Variants in SLC12A2 observed in about 807,000 individuals in gnomAD.
The protein encoded by SLC12A2 is Na-K-2Cl cotransporter 1.
SLC12A2 carries 67 observed loss-of-function variants against 136.3 expected under a neutral mutation model. The ratio of observed to expected loss-of-function variants is 0.49; its 90% CI spans 0.40 to 0.60. The LOEUF (loss-of-function observed/expected upper bound fraction) is 0.60, where lower values mean the gene tolerates loss of function less well. Among genes scored for constraint, SLC12A2 ranks in the 20% least tolerant of loss-of-function variants. The pLI is 0.00. For missense variants in SLC12A2, 1,322 were observed against 1,534.7 expected, an observed-to-expected ratio of 0.86 and a Z score of 2.32; for synonymous variants, 619 against 562.9, an observed-to-expected ratio of 1.10 and a Z score of -1.41.
intron 9 of SLC12A2, among the ~76,000 whole-genome samples, chr5:128,139,378 TTTAC>T (rs1487173229): frequency 1.3e-5 from 2 of 152,142 alleles, no homozygotes; most frequent in Non-Finnish European, 1.5e-5. Flanking sequence ...CATACTAAGT[TTTAC>T]TTAGGAAAAG....
intron 10 of SLC12A2, among the ~76,000 whole-genome samples, chr5:128,143,852 A>G (rs926073350): frequency 6.6e-6 from 1 of 150,586 alleles, no homozygotes; most frequent in Non-Finnish European, 1.5e-5. Flanking sequence ...TTTACAATAC[A>G]ATTTTTAACT....
chr5:128,166,460 ATGTG>A lies in SLC12A2; in HGVS notation c.2617-1283_2617-1280del, dbSNP rs147416302. On this transcript the variant is annotated intron_variant, in intron 17 of 26. Coordinates refer to ENST00000262461, the MANE Select transcript of SLC12A2 (RefSeq NM_001046.3). The stretch of plus-strand genomic sequence containing the variant: ...TCCCAACAGATGAATGGATAAACAA[ATGTG>A]TGTGTGTGTGTGTGTGTTTGTGTGT... 2.9e-4 allele frequency among the ~76,000 whole-genome samples: 43 copies of A among 150,092 alleles called. 1 individual carries two copies. Among genetic ancestry groups the A allele is most frequent in the African/African-American group, 8.0e-4 (33 of 41,086 alleles).
At chr5:128,145,382 T>C (rs986257206) in intron 10 of SLC12A2, among the ~76,000 whole-genome samples, 2 of 152,146 alleles carry the variant, frequency 1.3e-5, no homozygotes, top group African/African-American at 4.8e-5. Flanking sequence ...TATGATCTAA[T>C]GAGGCTGTAT....
In SLC12A2 at chr5:128,083,970, A is replaced by ACGGCGCCCTCCTC; in HGVS notation, c.25_37dup (p.Pro13LeufsTer51). The ACGGCGCCCTCCTC allele has an allele frequency of 8.1e-7, 1 of 1,238,828 alleles. No individual in the cohort carries two copies. The highest frequency in any genetic ancestry group is 3.3e-5 in the South Asian group (1 of 30,422). 76.7% of individuals were successfully genotyped at this position (1,238,828 alleles called of 1,614,324 possible). A position where few individuals can be genotyped will look rare whatever the true frequency, so the allele number is the denominator to read the frequency against. ...TCGGGCAGCTATGGAGCCGCGGCCCACGGCGCCCTCCTCCGGCGCCCCGGG... is the reference window on the plus strand; with the variant it reads ...TCGGGCAGCTATGGAGCCGCGGCCCACGGCGCCCTCCTCCGGCGCCCTCCTCCGGCGCCCCGGG... On this transcript the variant is annotated frameshift_variant, in exon 1 of 27. Transcript: ENST00000262461. LOFTEE classifies it high-confidence loss of function.
At position 128,093,814 on chromosome 5, in the gene SLC12A2, A is replaced by G. The variant is rs562655514; in HGVS notation, c.756+9104A>G. Among the ~76,000 whole-genome samples the G allele has an allele frequency of 7.2e-5, 11 of 152,196 alleles. No homozygotes were observed. The South Asian group carries it at 2.3e-3, about 32-fold the overall frequency. ...ATAGCCTTGTAACTGGGCTTCTCAT[A>G]TTCACTGTGCTTTCCCATCACTATT... On this transcript the variant is annotated intron_variant, in intron 1 of 26. Transcript: ENST00000262461.
chr5:128,130,842 T>C (rs1051990787), intron 4 of SLC12A2, among the ~76,000 whole-genome samples: 4 of 152,196 alleles, frequency 2.6e-5, no homozygotes, highest in Non-Finnish European at 5.9e-5. Flanking sequence ...GATGATTTTA[T>C]ATTTGATATT....
At chr5:128,092,938 C>G (rs1041014501) in intron 1 of SLC12A2, among the ~76,000 whole-genome samples, 1 of 152,162 alleles carries the variant, frequency 6.6e-6, no homozygotes, top group African/African-American at 2.4e-5. Context: ...TTTTATTTAA[C>G]TCTCATTCCT....
At chr5:128,164,394 G>A (rs1269789200) in intron 17 of SLC12A2, among the ~76,000 whole-genome samples, 2 of 152,056 alleles carry the variant, frequency 1.3e-5, no homozygotes, top group African/African-American at 2.4e-5. Context: ...ATCAGTGTGG[G>A]GCAAAGTTTT....
chr5:128,169,994 AG>A (rs1763319851), intron 18 of SLC12A2: 1 of 152,192 alleles, frequency 6.6e-6, no homozygotes, highest in Non-Finnish European at 1.5e-5. Flanking sequence ...AATTAATAGC[AG>A]TTTCACAGCA....
Position 128,151,211 on chromosome 5 carries a change from G to T in SLC12A2, c.2108-30G>T, listed in dbSNP as rs749789059. ...ATTGTGTAAAGCAGATGAGGTATTT[G>T]TGTGACTTTTATTTATTTGTTATTG... On this transcript the variant is annotated intron_variant, in intron 13 of 26. Coordinates refer to ENST00000262461, the MANE Select transcript of SLC12A2 (RefSeq NM_001046.3). The T allele has an allele frequency of 3.2e-6, 5 of 1,583,966 alleles. No individual in the cohort carries two copies. In the Admixed American group the frequency reaches 5.5e-5, roughly 18 times the overall value.
At chr5:128,090,843 G>A (rs895752127) in intron 1 of SLC12A2, among the ~76,000 whole-genome samples, 1 of 152,182 alleles carries the variant, frequency 6.6e-6, no homozygotes, top group African/African-American at 2.4e-5. Context: ...CCGAATTGAT[G>A]AGGCAGTGTG....
chr5:128,122,133 T>C (rs1207559813), intron 4 of SLC12A2, among the ~76,000 whole-genome samples: 2 of 152,202 alleles, frequency 1.3e-5, no homozygotes, highest in Non-Finnish European at 2.9e-5. Context: ...CTTGGGGGCA[T>C]TTAGTTGACT....
intron 6 of SLC12A2, 97 bp from the exon 7 acceptor site, chr5:128,135,601 CAG>C (rs1477817222): frequency 8.7e-6 from 7 of 801,676 alleles, no homozygotes; most frequent in South Asian, 1.6e-5. Context: ...CAAAACAAGA[CAG>C]AAATTCTTTC....
intron 18 of SLC12A2, chr5:128,169,083 T>A (rs559855629): frequency 6.6e-6 from 1 of 152,238 alleles, no homozygotes; most frequent in East Asian, 1.9e-4. Flanking sequence ...TTCCTACTAT[T>A]CTAAGATTTG....
chr5:128,174,204 C>T (rs1291488488), intron 19 of SLC12A2, among the ~76,000 whole-genome samples: 4 of 151,906 alleles, frequency 2.6e-5, no homozygotes, highest in Admixed American at 6.6e-5. Flanking sequence ...AGAATTTGGA[C>T]GGGGAGAGGT....
chr5:128,167,769 T>C lies in SLC12A2; in HGVS notation c.2625T>C (p.Gly875=), dbSNP rs566329120. 1.9e-6 allele frequency: 3 copies of C among 1,603,694 alleles called. No homozygotes were observed. Among genetic ancestry groups the C allele is most frequent in the Admixed American group, 1.7e-5 (1 of 57,694 alleles). ...EGAQYLMQAA[G]LGRMKPNTLV... ...TTGACCCTATATTTTAGGCTGCTGG[T>C]CTTGGTCGTATGAAGCCAAACACAC... is the stretch of plus-strand genomic sequence containing the variant. Residue 875 remains glycine (G), a synonymous_variant, in exon 18 of 27, where the codon GGT becomes GGC. Transcript: ENST00000262461.
chr5:128,118,156 A>G (rs954903648), intron 4 of SLC12A2, among the ~76,000 whole-genome samples: 1 of 152,214 alleles, frequency 6.6e-6, no homozygotes, highest in African/African-American at 2.4e-5. Flanking sequence ...GTAAAATAGT[A>G]TGGAGATTCC....
At chr5:128,112,382 G>A (rs375653946) in intron 1 of SLC12A2, among the ~76,000 whole-genome samples, 4 of 152,160 alleles carry the variant, frequency 2.6e-5, no homozygotes, top group African/African-American at 9.7e-5. Context: ...AAACATATTC[G>A]TTGGTGATGA....
chr5:128,093,128 TTTTTG>T (rs1481170722), intron 1 of SLC12A2, among the ~76,000 whole-genome samples: 23 of 151,718 alleles, frequency 1.5e-4, no homozygotes, highest in Admixed American at 1.5e-3. Flanking sequence ...TTTCAGGAAG[TTTTTG>T]TTTTGTTCTG....
Sources: gnomAD v4.1 joint callset for allele counts (sites outside exome capture counted in the v4.1 genomes callset) on GRCh38, gnomAD v4.1.1 for gene constraint, MANE v1.5 for transcripts, NCBI Gene and HGNC (gene_info 2026-07-23, HGNC 2026-07-21) for gene names.